Variants in HBP1 observed in about 807,000 individuals in gnomAD.
The protein encoded by HBP1 is HMG box-containing protein 1.
In HBP1, 20 loss-of-function variants were observed where a neutral mutation model predicts 62.6. The ratio of observed to expected loss-of-function variants is 0.32; its 90% confidence interval spans 0.22 to 0.46. HBP1 has a LOEUF of 0.46. HBP1 is among the 20% of genes least tolerant of loss of function. The pLI, the probability that HBP1 is intolerant of heterozygous loss-of-function variation, is 1.00. For synonymous variants in HBP1, 232 were observed against 206.2 expected, an observed-to-expected ratio of 1.12 and a Z score of -1.07; for missense variants, 480 against 611.8, an observed-to-expected ratio of 0.78 and a Z score of 2.27.
Position 107,185,786 on chromosome 7 carries a change from G to A in HBP1, c.399-15G>A. 3 of 1,606,780 alleles carry A rather than the reference G, an allele frequency of 1.9e-6. No individual in the cohort carries two copies. Among genetic ancestry groups the A allele is most frequent in the Non-Finnish European group, 2.6e-6 (3 of 1,174,462 alleles). ...AGGACCTATGCTTATGGTTGAAACT[G>A]TTGCTTTATTTTAGATCATCTCCTG... On this transcript the variant is annotated splice_polypyrimidine_tract_variant and intron_variant, in intron 3 of 10. Coordinates refer to ENST00000222574, the MANE Select transcript of HBP1 (RefSeq NM_012257.4).
At chr7:107,171,860 CAAAAAAAA>C (rs367641713) in intron 1 of HBP1, among the ~76,000 whole-genome samples, 4 of 63,928 alleles carry the variant, frequency 6.3e-5, no homozygotes, top group African/African-American at 1.4e-4. Flanking sequence ...ACTTCCTCTC[CAAAAAAAA>C]AAAAAAAAAA....
chr7:107,170,216 T>C (rs766038732), intron 1 of HBP1: 326 of 775,368 alleles, frequency 4.2e-4, no homozygotes, highest in Non-Finnish European at 4.9e-4. Flanking sequence ...AAAGGAGTTA[T>C]ACATACTGGG....
intron 5 of HBP1, 23 bp from the exon 6 acceptor site, chr7:107,186,546 C>A (rs749489367): frequency 6.4e-7 from 1 of 1,562,922 alleles, no homozygotes. Flanking sequence ...GTGTCTAATA[C>A]GTGTTTTCTA....
rs575801222 is a variant in HBP1 at position 107,169,842 on chromosome 7, A to G, written c.-16+657A>G. 3.9e-5 allele frequency: 38 copies of G among 985,134 alleles called. 1 individual carries two copies. The African/African-American group carries it at 5.9e-4, about 15-fold the overall frequency. The allele number at this position is 985,134 out of a possible 1,614,324, so 61.0% of individuals were successfully genotyped here. A position where few individuals can be genotyped will look rare whatever the true frequency, so the allele number is the denominator to read the frequency against. Reference sequence around the variant, plus strand: ...AGGGAGGGGAACGCGATGAATGGCGAAAGAGGGTGGGGGATGGACTTGGCG... The same window carrying G: ...AGGGAGGGGAACGCGATGAATGGCGGAAGAGGGTGGGGGATGGACTTGGCG... On this transcript the variant is annotated intron_variant, in intron 1 of 10. Transcript: ENST00000222574.
In HBP1 at chr7:107,196,270, CTTTT is replaced by C. The variant is rs369828861; in HGVS notation, c.1385+122_1385+125del. 9.6e-4 allele frequency: 732 copies of C among 760,374 alleles called. 5 individuals are homozygous for C. In the African/African-American group the frequency reaches 0.011, roughly 11 times the overall value. 47.1% of individuals were successfully genotyped at this position (760,374 alleles called of 1,614,324 possible). On this transcript the variant is annotated intron_variant, in intron 9 of 10. Coordinates refer to ENST00000222574, the MANE Select transcript of HBP1 (RefSeq NM_012257.4). ...AGCTTTTATTCAACTCTTAGGTTGA[CTTTT>C]TTGTTTGTTTTTGAGACGGAGTCTC...
rs7797426 is a variant in HBP1 at position 107,197,534 on chromosome 7, A to G, written c.1385+1383A>G. Among the ~76,000 whole-genome samples the G allele has an allele frequency of 2.7e-3, 404 of 152,074 alleles. 1 individual carries two copies. Among genetic ancestry groups the G allele is most frequent in the African/African-American group, 9.1e-3 (376 of 41,472 alleles). On this transcript the variant is annotated intron_variant, in intron 9 of 10. Transcript: ENST00000222574. Reference sequence around the variant, plus strand: ...CGGGCATGCGCCACTACACCCAGCTAATTTTTTGCATATTTAGTAGACATG... The same window carrying G: ...CGGGCATGCGCCACTACACCCAGCTGATTTTTTGCATATTTAGTAGACATG...
chr7:107,182,741 AT>A (rs1462736257), intron 3 of HBP1, 140 bp downstream of exon 3: 2 of 568,828 alleles, frequency 3.5e-6, no homozygotes, highest in Non-Finnish European at 6.2e-6. Flanking sequence ...TTATCTAATG[AT>A]CAAAGACTTA....
chr7:107,179,018 A>T (rs1027259815), intron 1 of HBP1, among the ~76,000 whole-genome samples: 1 of 152,170 alleles, frequency 6.6e-6, no homozygotes, highest in African/African-American at 2.4e-5. Context: ...TGGGTGACAG[A>T]GCGAGACTCC....
intron 8 of HBP1, among the ~76,000 whole-genome samples, chr7:107,193,697 T>C (rs918210462): frequency 2.0e-5 from 3 of 150,674 alleles, no homozygotes. Context: ...GCTTCCAATC[T>C]AGAGAAGGAA....
At chr7:107,181,431 C>T (rs1217451087) in intron 2 of HBP1, among the ~76,000 whole-genome samples, 1 of 151,832 alleles carries the variant, frequency 6.6e-6, no homozygotes, top group East Asian at 1.9e-4. Context: ...ATAATTGTAC[C>T]ACTGCACTCC....
chr7:107,169,404 G>C (rs1307124773), intron 1 of HBP1, among the ~76,000 whole-genome samples: 1 of 150,484 alleles, frequency 6.6e-6, no homozygotes, highest in Non-Finnish European at 1.5e-5. Context: ...CGGCGCTAGG[G>C]GGTCTCGGGC....
chr7:107,188,128 CCT>C (rs1797477910), intron 6 of HBP1, among the ~76,000 whole-genome samples: 1 of 152,154 alleles, frequency 6.6e-6, no homozygotes, highest in African/African-American at 2.4e-5. Context: ...CTCCTGCAGC[CCT>C]GAGAATGGGA....
intron 1 of HBP1, among the ~76,000 whole-genome samples, chr7:107,171,437 C>T (rs1796591451): frequency 6.6e-6 from 1 of 151,950 alleles, no homozygotes; most frequent in Non-Finnish European, 1.5e-5. Context: ...AGGCATATGG[C>T]ACGATGGCAT....
intron 6 of HBP1, among the ~76,000 whole-genome samples, chr7:107,188,290 C>T (rs1797483692): frequency 6.6e-6 from 1 of 152,300 alleles, no homozygotes; most frequent in South Asian, 2.1e-4. Flanking sequence ...TTTTCTTCCT[C>T]TTCTTGGCTT....
chr7:107,184,552 C>T (rs1428655559), intron 3 of HBP1, among the ~76,000 whole-genome samples: 1 of 152,062 alleles, frequency 6.6e-6, no homozygotes, highest in Non-Finnish European at 1.5e-5. Flanking sequence ...GCTCTGTCGC[C>T]CAGGCTCGAG....
At chr7:107,187,430 A>G (rs1472895473) in intron 6 of HBP1, among the ~76,000 whole-genome samples, 2 of 152,226 alleles carry the variant, frequency 1.3e-5, no homozygotes, top group African/African-American at 4.8e-5. Context: ...GTCGATGAGC[A>G]AAAGCAGTAG....
chr7:107,201,367 ATG>A, intron 10 of HBP1, 45 bp from the exon 11 acceptor site: 5 of 1,198,796 alleles, frequency 4.2e-6, no homozygotes, highest in Non-Finnish European at 6.2e-6. Flanking sequence ...TAGGATTACT[ATG>A]TATTGATTTG....
chr7:107,190,238 A>C lies in HBP1; in HGVS notation c.988A>C (p.Ile330Leu). The C allele has an allele frequency of 6.2e-7, 1 of 1,611,730 alleles. No individual in the cohort carries two copies. Among genetic ancestry groups the C allele is most frequent in the East Asian group, 2.2e-5 (1 of 44,836 alleles). Residue 330 changes from isoleucine to leucine, a missense_variant, in exon 8 of 11, where the codon ATT becomes CTT. Physicochemically the swap from Ile to Leu is conservative, Grantham distance 5. Around this residue, in one of 4 missense-constraint regions of HBP1, gnomAD observed 58 missense variants for 128.5 expected, o/e 0.45. Coordinates refer to ENST00000222574, the MANE Select transcript of HBP1 (RefSeq NM_012257.4). ...TGGCATTCCATGTTGTGAAGTTCAT[A>C]TTGGCGATGTATGTCTACCTCCTGG... is the stretch of plus-strand genomic sequence containing the variant. ...QHGIPCCEVH[I>L]GDVCLPPGHP...
chr7:107,186,327 CAAATA>C (rs1384274994), intron 4 of HBP1, 29 bp from the exon 5 acceptor site: 1 of 1,273,722 alleles, frequency 7.9e-7, no homozygotes, highest in Admixed American at 1.8e-5. Context: ...ATTTTAAAAA[CAAATA>C]AAAAAGTTGA....
Sources: allele counts gnomAD v4.1 joint callset (sites outside exome capture counted in the v4.1 genomes callset), GRCh38; gene constraint gnomAD v4.1.1; regional missense constraint gnomAD v4.1.1; transcripts MANE v1.5; gene names NCBI Gene and HGNC (gene_info 2026-07-23, HGNC 2026-07-21).